The following NRG1 variants were observed in gnomAD, a reference collection of about 807,000 sequenced individuals.
The protein encoded by NRG1 is pro-neuregulin-1, membrane-bound isoform.
NRG1 carries 18 observed loss-of-function variants against 63.8 expected under a neutral mutation model. The ratio of observed to expected loss-of-function variants is 0.28; its 90% CI spans 0.19 to 0.42. The LOEUF is 0.42. Ranked by LOEUF, NRG1 falls within the 10% of genes least tolerant of loss-of-function variation. The pLI, the probability that NRG1 is intolerant of heterozygous loss-of-function variation, is 1.00. For synonymous variants in NRG1, 302 were observed against 301.3 expected, an observed-to-expected ratio of 1.00 and a Z score of -0.02; for missense variants, 762 against 814.7, an observed-to-expected ratio of 0.94 and a Z score of 0.79.
At chr8:31,773,016 G>C (rs910414959) in intron 1 of NRG1, among the ~76,000 whole-genome samples, 1 of 152,206 alleles carries the variant, frequency 6.6e-6, no homozygotes, top group Non-Finnish European at 1.5e-5. Context: ...ATGTCCATCT[G>C]TGAAGGTCCT....
chr8:32,064,965 C>G (rs1055591150), intron 1 of NRG1, among the ~76,000 whole-genome samples: 2 of 152,064 alleles, frequency 1.3e-5, no homozygotes, highest in African/African-American at 4.8e-5. Flanking sequence ...GTACATGATA[C>G]AAGTAAACTT....
At chr8:31,991,396 T>G (rs1290898368) in intron 1 of NRG1, among the ~76,000 whole-genome samples, 1 of 151,956 alleles carries the variant, frequency 6.6e-6, no homozygotes, top group Admixed American at 6.6e-5. Context: ...CTGCTGCTTC[T>G]TCTTCTTCTC....
chr8:31,743,848 A>G (rs1212766237), intron 1 of NRG1, among the ~76,000 whole-genome samples: 4 of 151,990 alleles, frequency 2.6e-5, no homozygotes, highest in Admixed American at 2.6e-4. Flanking sequence ...CCAACCTTCA[A>G]GCTTCTGTAG....
chr8:31,639,376 G>C (rs748018998), exon 1 of NRG1: 15 of 1,534,346 alleles, frequency 9.8e-6, no homozygotes, highest in Non-Finnish European at 2.6e-6. Flanking sequence ...CGCGGGTCCC[G>C]CTCCGCTCCG....
intron 1 of NRG1, among the ~76,000 whole-genome samples, chr8:32,562,772 T>G (rs1237932454): frequency 2.0e-5 from 3 of 152,174 alleles, no homozygotes; most frequent in Non-Finnish European, 4.4e-5. Context: ...TAACACCATG[T>G]ACTGGCATGG....
chr8:32,626,405 G>T (rs1849281056), intron 5 of NRG1, among the ~76,000 whole-genome samples: 1 of 151,700 alleles, frequency 6.6e-6, no homozygotes, highest in South Asian at 2.1e-4. Context: ...AGCCAGCCGG[G>T]TGCGGTGGCT....
At chr8:32,721,278 T>A (rs1820559941) in intron 5 of NRG1, among the ~76,000 whole-genome samples, 1 of 152,200 alleles carries the variant, frequency 6.6e-6, no homozygotes, top group Non-Finnish European at 1.5e-5. Flanking sequence ...GATAGTCCTA[T>A]CATTCTATAT....
intron 6 of NRG1, among the ~76,000 whole-genome samples, chr8:32,740,153 A>T (rs937161617): frequency 2.7e-5 from 4 of 150,504 alleles, no homozygotes; most frequent in Non-Finnish European, 5.9e-5. Flanking sequence ...TTATTGAAGC[A>T]TATGAAATGG....
intron 1 of NRG1, among the ~76,000 whole-genome samples, chr8:31,822,167 T>C (rs570811954): frequency 6.6e-5 from 10 of 152,330 alleles, no homozygotes; most frequent in Admixed American, 2.0e-4. Flanking sequence ...AACTTACCTT[T>C]GTAATTGGAG....
chr8:31,773,737 A>G (rs946537268), intron 1 of NRG1, among the ~76,000 whole-genome samples: 1 of 152,082 alleles, frequency 6.6e-6, no homozygotes, highest in South Asian at 2.1e-4. Flanking sequence ...AGTCCTTCCT[A>G]TCTTTTCAAA....
chr8:32,355,295 C>G (rs1170330137), intron 1 of NRG1, among the ~76,000 whole-genome samples: 1 of 151,890 alleles, frequency 6.6e-6, no homozygotes, highest in Non-Finnish European at 1.5e-5. Context: ...CCCATCTCTA[C>G]TAAAATACAA....
At chr8:32,479,580 A>G (rs1026472738) in intron 1 of NRG1, among the ~76,000 whole-genome samples, 7 of 152,102 alleles carry the variant, frequency 4.6e-5, no homozygotes, top group African/African-American at 1.7e-4. Context: ...CTTAGTGCAA[A>G]TGTCTGGTCA....
At chr8:32,523,051 C>T (rs1830491367) in intron 1 of NRG1, among the ~76,000 whole-genome samples, 1 of 152,156 alleles carries the variant, frequency 6.6e-6, no homozygotes, top group African/African-American at 2.4e-5. Flanking sequence ...ATCCTCCACC[C>T]TCAGCCTCCC....
intron 1 of NRG1, among the ~76,000 whole-genome samples, chr8:32,512,346 A>T (rs1012697651): frequency 6.6e-6 from 1 of 152,364 alleles, no homozygotes; most frequent in East Asian, 1.9e-4. Context: ...ATCATAACTT[A>T]CTAAACTAAA....
At chr8:32,087,162 A>G (rs529310048) in intron 1 of NRG1, among the ~76,000 whole-genome samples, 33 of 152,304 alleles carry the variant, frequency 2.2e-4, no homozygotes, top group Non-Finnish European at 3.8e-4. Context: ...ATGTAGAAAC[A>G]TGATTCCCAT....
chr8:32,076,754 A>T (rs1826630110), intron 1 of NRG1, among the ~76,000 whole-genome samples: 1 of 152,094 alleles, frequency 6.6e-6, no homozygotes, highest in African/African-American at 2.4e-5. Context: ...GTAGATGCGT[A>T]CTTTGAGGTA....
Position 32,164,810 on chromosome 8 carries a change from G to T in NRG1, c.38-431018G>T, listed in dbSNP as rs555113440. On this transcript the variant is annotated intron_variant, in intron 1 of 10. Transcript: ENST00000519301. The stretch of plus-strand genomic sequence containing the variant: ...TTAGGCCCTTAGTTCCAATAAAATT[G>T]TTCCTTTTCCCATATAAATGGTTAT... 3.5e-4 allele frequency among the ~76,000 whole-genome samples: 54 copies of T among 152,210 alleles called. No homozygotes were observed. In the South Asian group the frequency reaches 0.011, roughly 32 times the overall value.
chr8:32,609,984 T>G (rs1417561054), intron 3 of NRG1, among the ~76,000 whole-genome samples: 1 of 151,966 alleles, frequency 6.6e-6, no homozygotes, highest in Non-Finnish European at 1.5e-5. Context: ...AATTTATTGT[T>G]TCATTGTGGA....
At chr8:32,465,517 G>A (rs147730026) in intron 1 of NRG1, among the ~76,000 whole-genome samples, 189 of 152,324 alleles carry the variant, frequency 1.2e-3, no homozygotes, top group African/African-American at 4.2e-3. Context: ...AATAGTGAGA[G>A]TCCTAAAGTC....
Sources: gnomAD v4.1 joint callset for allele counts (sites outside exome capture counted in the v4.1 genomes callset) on GRCh38, gnomAD v4.1.1 for gene constraint, MANE v1.5 for transcripts, NCBI Gene and HGNC (gene_info 2026-07-23, HGNC 2026-07-21) for gene names.